The following RHBDF2 variants were observed in gnomAD, a reference collection of about 807,000 sequenced individuals.
RHBDF2 encodes the protein inactive rhomboid protein 2.
In RHBDF2, 38 loss-of-function variants were observed where a neutral mutation model predicts 95.2. The observed-to-expected ratio is 0.40, with a 90% CI of 0.31 to 0.52. RHBDF2 has a LOEUF of 0.52. RHBDF2 is among the 20% of genes least tolerant of loss of function. The pLI, the probability that RHBDF2 is intolerant of heterozygous loss-of-function variation, is 0.56. For synonymous variants in RHBDF2, 442 were observed against 462.0 expected (o/e 0.96, Z 0.55); for missense variants, 863 against 1,137.7 (o/e 0.76, Z 3.47).
rs752973015 is a variant in RHBDF2, at chr17:76,472,544, C to G, written c.2064+142G>C. On this transcript the variant is annotated intron_variant, in intron 18 of 18. Transcript: ENST00000675367. ...TGGGATTAAGAGACCAGCCAGTAAG[C>G]CCCCAGATTAGCTGTCCCTCCGCTG... The G allele has an allele frequency of 6.7e-6, 7 of 1,052,596 alleles. No homozygotes were observed. The Admixed American group carries it at 1.3e-4, about 20-fold the overall frequency. 65.2% of individuals were successfully genotyped at this position (1,052,596 alleles called of 1,614,324 possible).
At chr17:76,472,413 C>A (rs1401234294) in intron 18 of RHBDF2, 1 of 594,612 alleles carries the variant, frequency 1.7e-6, no homozygotes, top group South Asian at 1.9e-5. Flanking sequence ...TCCTACCGCT[C>A]GACCTGCAGA....
intron 7 of RHBDF2, 69 bp downstream of exon 7, chr17:76,477,588 G>T: frequency 6.5e-7 from 1 of 1,538,836 alleles, no homozygotes; most frequent in Non-Finnish European, 8.9e-7. Flanking sequence ...TATGATCAAT[G>T]CCAAGGTCAC....
At position 76,479,793 on chromosome 17, in the gene RHBDF2, T is replaced by C; in HGVS notation, c.212A>G (p.Glu71Gly). 6.2e-7 allele frequency: 1 copy of C among 1,613,500 alleles called. No individual in the cohort carries two copies. Among genetic ancestry groups the C allele is most frequent in the East Asian group, 2.2e-5 (1 of 44,826 alleles). Reference sequence around the variant, plus strand: ...GAAGCCAGGGCGCTTCTCTGAACTCTCCTGCCATCGGCTGCGTGGCTCCTG... The same window carrying C: ...GAAGCCAGGGCGCTTCTCTGAACTCCCCTGCCATCGGCTGCGTGGCTCCTG... ...SLQEPRSRWQ[E>G]SSEKRPGFRR... The change falls in exon 4 of 19, where the codon GAG (glutamate) becomes GGG (glycine). Residue 71 changes from glutamate to glycine, a missense_variant. This residue lies in a region of RHBDF2 where 611 missense variants were observed against 725.5 expected (regional missense o/e 0.84). Coordinates refer to ENST00000675367, the MANE Select transcript of RHBDF2 (RefSeq NM_001005498.4).
Position 76,477,805 on chromosome 17 carries a change from C to G in RHBDF2, c.673-20G>C, listed in dbSNP as rs1331479994. ...GCGCCCCTGTGCACGGGCAGAGGCA[C>G]AGCCATCAGGACCACAGCCTGGCCA... On this transcript the variant is annotated intron_variant, in intron 6 of 18. Coordinates refer to ENST00000675367, the MANE Select transcript of RHBDF2 (RefSeq NM_001005498.4). 5.0e-6 allele frequency: 8 copies of G among 1,605,774 alleles called. No homozygotes were observed. The highest frequency in any genetic ancestry group is 1.1e-5 in the South Asian group (1 of 91,002).
At chr17:76,474,335 A>C (rs2073694470) in intron 12 of RHBDF2, 38 bp downstream of exon 12, 1 of 1,598,518 alleles carries the variant, frequency 6.3e-7, no homozygotes, top group South Asian at 1.1e-5. Context: ...GTCCGGGACC[A>C]GGGTCTGGCA....
chr17:76,487,190 C>T (rs1383834416), intron 2 of RHBDF2, among the ~76,000 whole-genome samples: 2 of 151,712 alleles, frequency 1.3e-5, no homozygotes, highest in Non-Finnish European at 2.9e-5. Flanking sequence ...AACTCCTGGC[C>T]TCCACCCGCC....
rs1051354140 is a variant in RHBDF2 at position 76,487,827 on chromosome 17, G to A, written c.-137C>T. On this transcript the variant is annotated 5_prime_UTR_variant, in exon 2 of 19. Coordinates refer to ENST00000675367, the MANE Select transcript of RHBDF2 (RefSeq NM_001005498.4). The stretch of plus-strand genomic sequence containing the variant: ...CTCCGGTGTCAAGCCTCAGTCTGTG[G>A]AAGGGTGGCTGGACAGACAGGTGGC... 2.6e-5 allele frequency: 4 copies of A among 152,360 alleles called. No individual in the cohort carries two copies. Among genetic ancestry groups the A allele is most frequent in the African/African-American group, 9.7e-5 (4 of 41,448 alleles). 9.4% of individuals were successfully genotyped at this position (152,360 alleles called of 1,614,324 possible).
At position 76,479,180 on chromosome 17, in the gene RHBDF2, G is replaced by A. The variant is rs755689331; in HGVS notation, c.370C>T (p.Arg124Cys). 24 of 1,612,064 alleles carry A rather than the reference G, an allele frequency of 1.5e-5. No individual in the cohort carries two copies. Among genetic ancestry groups the A allele is most frequent in the African/African-American group, 6.7e-5 (5 of 74,924 alleles). Residue 124 changes from arginine (R) to cysteine (C), a missense_variant, in exon 5 of 19, where the codon CGC (arginine) becomes TGC (cysteine). By Grantham distance (180) the Arg-to-Cys change is radical. Coordinates refer to ENST00000675367, the MANE Select transcript of RHBDF2 (RefSeq NM_001005498.4). ...SLHHCSMRYG[R>C]LKASCQRDLE... Reference sequence around the variant, plus strand: ...TCACGCTGGCACGAGGCCTTCAGGCGGCCGTAGCGCATGCTGCAGTGGTGC... The same window carrying A: ...TCACGCTGGCACGAGGCCTTCAGGCAGCCGTAGCGCATGCTGCAGTGGTGC...
chr17:76,472,878 G>A (rs1323900406), intron 17 of RHBDF2, 39 bp from the exon 18 acceptor site: 1 of 1,576,390 alleles, frequency 6.3e-7, no homozygotes, highest in Middle Eastern at 1.8e-4. Flanking sequence ...CTTCAGCCAG[G>A]CACTTCAGGA....
chr17:76,474,660 C>A, intron 11 of RHBDF2, 70 bp downstream of exon 11: 1 of 1,613,356 alleles, frequency 6.2e-7, no homozygotes, highest in Non-Finnish European at 8.5e-7. Context: ...AGGAGCCCAC[C>A]TGCCCAGCTG....
chr17:76,495,926 G>A (rs1033999046), intron 1 of RHBDF2, among the ~76,000 whole-genome samples: 6 of 152,196 alleles, frequency 3.9e-5, no homozygotes, highest in African/African-American at 1.4e-4. Flanking sequence ...TTCAGGACAC[G>A]GGGACACCAG....
At chr17:76,492,421 TC>T (rs941633354) in intron 1 of RHBDF2, among the ~76,000 whole-genome samples, 1 of 152,094 alleles carries the variant, frequency 6.6e-6, no homozygotes, top group South Asian at 2.1e-4. Context: ...GAATCTGGTT[TC>T]CCCACAAAGG....
chr17:76,474,577 A>T (rs1239336990), intron 11 of RHBDF2, 43 bp from the exon 12 acceptor site: 1 of 1,612,276 alleles, frequency 6.2e-7, no homozygotes, highest in Non-Finnish European at 8.5e-7. Flanking sequence ...TTTGAGCCCC[A>T]GACCTGGGAG....
intron 3 of RHBDF2, 36 bp downstream of exon 3, chr17:76,481,339 C>G (rs199656436): frequency 3.8e-6 from 6 of 1,591,128 alleles, no homozygotes; most frequent in Non-Finnish European, 5.1e-6. Context: ...CTGTTACCTA[C>G]GGCAGAACAG....
rs1037111061 is a variant in RHBDF2, at chr17:76,487,799, A to C, written c.-109T>G. On this transcript the variant is annotated 5_prime_UTR_variant, in exon 2 of 19. Coordinates refer to ENST00000675367, the MANE Select transcript of RHBDF2 (RefSeq NM_001005498.4). ...CTTGTCTTCTCCTTGCTCTGTACAG[A>C]TGCTCCGGTGTCAAGCCTCAGTCTG... The C allele has an allele frequency of 7.9e-5, 12 of 152,168 alleles. No individual in the cohort carries two copies. Among genetic ancestry groups the C allele is most frequent in the African/African-American group, 2.9e-4 (12 of 41,402 alleles). The allele number at this position is 152,168 out of a possible 1,614,324, so 9.4% of individuals were successfully genotyped here.
intron 1 of RHBDF2, among the ~76,000 whole-genome samples, chr17:76,491,015 G>A (rs774396434): frequency 6.6e-6 from 1 of 152,146 alleles, no homozygotes; most frequent in South Asian, 2.1e-4. Context: ...TGGGGCTGGC[G>A]GTGGTCAGCC....
Position 76,471,895 on chromosome 17 carries a change from T to C in RHBDF2, c.2222A>G (p.Asn741Ser), listed in dbSNP as rs764151984. The C allele has an allele frequency of 1.3e-6, 2 of 1,580,778 alleles. No individual in the cohort carries two copies. The highest frequency in any genetic ancestry group is 3.7e-5 in the Admixed American group (2 of 53,748). ...GAGGAAGCCGAAGATGTGGGCGATGTTGTCGATCCAGGGCAGGAGGCCACA... is the reference window on the plus strand; with the variant it reads ...GAGGAAGCCGAAGATGTGGGCGATGCTGTCGATCCAGGGCAGGAGGCCACA... ...FICGLLPWID[N>S]IAHIFGFLSG... Residue 741 changes from asparagine to serine, a missense_variant, in exon 19 of 19, where the codon AAC becomes AGC. Asn to Ser is a conservative substitution (Grantham distance 46). This residue lies in a region of RHBDF2 where 252 missense variants were observed against 412.2 expected (regional missense o/e 0.61). Coordinates refer to ENST00000675367, the MANE Select transcript of RHBDF2 (RefSeq NM_001005498.4).
At chr17:76,481,984 CACACACACACA>C (rs2073983765) in intron 2 of RHBDF2, 1 of 109,486 alleles carries the variant, frequency 9.1e-6, no homozygotes, top group African/African-American at 2.9e-5. Flanking sequence ...CACACACACA[CACACACACACA>C]CACACACAAA....
At position 76,475,132 on chromosome 17, in the gene RHBDF2, G is replaced by T; in HGVS notation, c.1125C>A (p.Phe375Leu). ...LESFDSHRPY[F>L]TYWLTFVHVI... Reference sequence around the variant, plus strand: ...CATGGACGAAGGTCAGCCAGTAGGTGAAGTAGGGCCTGTGCAGAGACACCT... The same window carrying T: ...CATGGACGAAGGTCAGCCAGTAGGTTAAGTAGGGCCTGTGCAGAGACACCT... The change falls in exon 10 of 19, where the codon TTC (phenylalanine) becomes TTA (leucine). Residue 375 changes from phenylalanine to leucine, a missense_variant. By Grantham distance (22) the Phe-to-Leu change is conservative (BLOSUM62 0). Around this residue, in one of 2 missense-constraint regions of RHBDF2, gnomAD observed 611 missense variants for 725.5 expected, o/e 0.84. Coordinates refer to ENST00000675367, the MANE Select transcript of RHBDF2 (RefSeq NM_001005498.4). 6.3e-7 allele frequency: 1 copy of T among 1,592,388 alleles called. No individual in the cohort carries two copies. The highest frequency in any genetic ancestry group is 8.5e-7 in the Non-Finnish European group (1 of 1,170,270).
Sources: allele counts gnomAD v4.1 joint callset (sites outside exome capture counted in the v4.1 genomes callset), GRCh38; gene constraint gnomAD v4.1.1; regional missense constraint gnomAD v4.1.1; transcripts MANE v1.5; gene names NCBI Gene and HGNC (gene_info 2026-07-23, HGNC 2026-07-21).